The following L3MBTL3 variants were observed in gnomAD, a reference collection of about 807,000 sequenced individuals.
The protein encoded by L3MBTL3 is L3MBTL histone methyl-lysine binding protein 3, also known as lethal(3)malignant brain tumor-like protein 3.
L3MBTL3 carries 27 observed loss-of-function variants against 102.3 expected under a neutral mutation model. The observed-to-expected ratio is 0.26, with a 90% confidence interval of 0.19 to 0.36. The LOEUF is 0.36. L3MBTL3 is among the 10% of genes least tolerant of loss of function. The pLI, the probability that L3MBTL3 is intolerant of heterozygous loss-of-function variation, is 1.00. For missense variants in L3MBTL3, 798 were observed against 955.3 expected (o/e 0.84, Z 2.17); for synonymous variants, 340 against 320.9 (o/e 1.06, Z -0.64).
chr6:130,040,421 A>G (rs1308850824), intron 2 of L3MBTL3, among the ~76,000 whole-genome samples: 1 of 151,928 alleles, frequency 6.6e-6, no homozygotes, highest in Non-Finnish European at 1.5e-5. Context: ...TGTGTTGGTC[A>G]TTTTGAAAAT....
chr6:130,122,452 C>T (rs1041012285), intron 20 of L3MBTL3, among the ~76,000 whole-genome samples: 2 of 152,170 alleles, frequency 1.3e-5, no homozygotes, highest in African/African-American at 4.8e-5. Flanking sequence ...GACATGTCAT[C>T]ACATACCTCT....
intron 13 of L3MBTL3, among the ~76,000 whole-genome samples, chr6:130,077,653 A>T (rs1052957737): frequency 3.3e-5 from 5 of 152,158 alleles, no homozygotes; most frequent in African/African-American, 1.2e-4. Flanking sequence ...TTTGTAGAAA[A>T]TTATTTGTTT....
chr6:130,132,966 G>A (rs1322155215), intron 20 of L3MBTL3, among the ~76,000 whole-genome samples: 1 of 148,390 alleles, frequency 6.7e-6, no homozygotes, highest in African/African-American at 2.4e-5. Context: ...AGTATGATTA[G>A]TAAATAAGAA....
chr6:130,105,968 T>G (rs71570998), intron 19 of L3MBTL3, among the ~76,000 whole-genome samples: 82 of 152,274 alleles, frequency 5.4e-4, no homozygotes, highest in Middle Eastern at 6.8e-3. Context: ...ATCTTTATAA[T>G]GAGTCTAACC....
intron 22 of L3MBTL3, among the ~76,000 whole-genome samples, chr6:130,138,768 CTT>C (rs35404490): frequency 1.5e-4 from 23 of 148,886 alleles, no homozygotes; most frequent in African/African-American, 5.2e-4. Flanking sequence ...GAAAGGGAAA[CTT>C]TTTTTTTTTA....
intron 13 of L3MBTL3, among the ~76,000 whole-genome samples, chr6:130,072,813 T>C (rs1287995311): frequency 2.6e-5 from 4 of 152,210 alleles, no homozygotes; most frequent in African/African-American, 9.6e-5. Context: ...ACTTAAATAT[T>C]TCTCCCTATT....
intron 1 of L3MBTL3, chr6:130,020,637 G>A (rs1413264515): frequency 2.0e-5 from 3 of 152,078 alleles, no homozygotes; most frequent in Non-Finnish European, 4.4e-5. Context: ...CGGGGACCGC[G>A]GCTCTACCCC....
intron 20 of L3MBTL3, among the ~76,000 whole-genome samples, chr6:130,129,810 C>T (rs1457272305): frequency 6.6e-6 from 1 of 152,180 alleles, no homozygotes; most frequent in Non-Finnish European, 1.5e-5. Context: ...TAAACCTACT[C>T]TTCCTTACTC....
chr6:130,041,243 A>T (rs1227366893), intron 2 of L3MBTL3, among the ~76,000 whole-genome samples: 2 of 152,164 alleles, frequency 1.3e-5, no homozygotes, highest in East Asian at 3.8e-4. Context: ...ACTTGATCAG[A>T]TTAGGTTTGA....
At chr6:130,058,025 C>T (rs1040274800) in intron 9 of L3MBTL3, among the ~76,000 whole-genome samples, 21 of 151,244 alleles carry the variant, frequency 1.4e-4, no homozygotes, top group African/African-American at 5.1e-4. Context: ...TGCCTGTAGT[C>T]CCAGCTACTC....
intron 2 of L3MBTL3, among the ~76,000 whole-genome samples, chr6:130,026,192 A>G (rs1779333134): frequency 6.6e-6 from 1 of 152,162 alleles, no homozygotes; most frequent in Non-Finnish European, 1.5e-5. Flanking sequence ...TAGATGCTTT[A>G]TATTTATTTA....
intron 1 of L3MBTL3, among the ~76,000 whole-genome samples, chr6:130,019,974 G>A (rs1778850208): frequency 7.2e-6 from 1 of 138,392 alleles, no homozygotes; most frequent in East Asian, 2.2e-4. Flanking sequence ...GCGTGTGTCG[G>A]GAGGCGGCGG....
At chr6:130,036,372 A>G (rs1175331721) in intron 2 of L3MBTL3, among the ~76,000 whole-genome samples, 1 of 152,198 alleles carries the variant, frequency 6.6e-6, no homozygotes. Flanking sequence ...AACATAGTAA[A>G]TATTTTTATG....
At chr6:130,026,269 C>T (rs955831919) in intron 2 of L3MBTL3, among the ~76,000 whole-genome samples, 2 of 152,082 alleles carry the variant, frequency 1.3e-5, no homozygotes, top group Non-Finnish European at 2.9e-5. Flanking sequence ...TGACTATTAC[C>T]TCTCATACTT....
At chr6:130,062,536 C>G (rs1584352190) in intron 10 of L3MBTL3, among the ~76,000 whole-genome samples, 1 of 151,034 alleles carries the variant, frequency 6.6e-6, no homozygotes, top group African/African-American at 2.4e-5. Flanking sequence ...CAGGCGTGTA[C>G]CACCTGATGC....
intron 19 of L3MBTL3, among the ~76,000 whole-genome samples, chr6:130,110,890 A>G (rs143769241): frequency 2.9e-4 from 44 of 152,288 alleles, no homozygotes; most frequent in African/African-American, 7.9e-4. Flanking sequence ...TTTCTTTGCT[A>G]TTCTTAAGTT....
chr6:130,125,687 A>G (rs1013814808), intron 20 of L3MBTL3, among the ~76,000 whole-genome samples: 3 of 152,094 alleles, frequency 2.0e-5, no homozygotes, highest in Non-Finnish European at 4.4e-5. Context: ...TCTCATTTCC[A>G]TTCCTCCAGT....
Sources: gnomAD v4.1 joint callset for allele counts (sites outside exome capture counted in the v4.1 genomes callset) on GRCh38, gnomAD v4.1.1 for gene constraint, MANE v1.5 for transcripts, NCBI Gene and HGNC (gene_info 2026-07-23, HGNC 2026-07-21) for gene names.